The following OSBP variants were observed in gnomAD, a reference collection of about 807,000 sequenced individuals.
OSBP encodes the protein oxysterol binding protein.
OSBP carries 32 observed loss-of-function variants against 96.6 expected under a neutral mutation model. The ratio of observed to expected loss-of-function variants is 0.33; its 90% CI spans 0.25 to 0.45. OSBP has a LOEUF of 0.45. OSBP is among the 20% of genes least tolerant of loss of function. The pLI is 1.00. For synonymous variants in OSBP, 369 were observed against 389.6 expected (o/e 0.95, Z 0.62); for missense variants, 653 against 1,029.7 (o/e 0.63, Z 5.01).
intron 7 of OSBP, among the ~76,000 whole-genome samples, chr11:59,597,611 C>T (rs139155302): frequency 0.014 from 2,161 of 152,210 alleles, 55 homozygotes; most frequent in Admixed American, 0.07. Flanking sequence ...GAGATCATGG[C>T]TCACTGCAGC....
chr11:59,580,119 T>C, intron 11 of OSBP, 55 bp downstream of exon 11: 1 of 1,164,932 alleles, frequency 8.6e-7, no homozygotes, highest in Non-Finnish European at 1.3e-6. Flanking sequence ...TAAAGGAGTA[T>C]GCTTTCTAAG....
chr11:59,605,919 C>T (rs1860775426), intron 3 of OSBP, among the ~76,000 whole-genome samples: 2 of 152,122 alleles, frequency 1.3e-5, no homozygotes, highest in Non-Finnish European at 2.9e-5. Context: ...ATGCAGGTTG[C>T]CTCAAGTTAC....
intron 3 of OSBP, among the ~76,000 whole-genome samples, chr11:59,607,120 T>C (rs962291287): frequency 6.6e-6 from 1 of 152,204 alleles, no homozygotes; most frequent in Non-Finnish European, 1.5e-5. Flanking sequence ...AATTATGGAT[T>C]GGGGTGTTCC....
chr11:59,611,058 T>G (rs1045981556), intron 1 of OSBP, among the ~76,000 whole-genome samples: 3 of 150,212 alleles, frequency 2.0e-5, no homozygotes, highest in African/African-American at 7.4e-5. Flanking sequence ...TCGCTTGAAC[T>G]TGAGAGGCGG....
At chr11:59,606,437 A>G (rs1384627269) in intron 3 of OSBP, among the ~76,000 whole-genome samples, 1 of 152,108 alleles carries the variant, frequency 6.6e-6, no homozygotes, top group African/African-American at 2.4e-5. Context: ...GACACAGAAA[A>G]AAAAAAAAAA....
chr11:59,602,522 T>C (rs923465635), intron 3 of OSBP, among the ~76,000 whole-genome samples: 1 of 152,236 alleles, frequency 6.6e-6, no homozygotes, highest in Non-Finnish European at 1.5e-5. Flanking sequence ...TACTAACTAC[T>C]GGTTATGAAC....
Position 59,608,388 on chromosome 11 carries a change from T to C in OSBP, c.822+96A>G. 6.2e-6 allele frequency: 9 copies of C among 1,461,264 alleles called. No individual in the cohort carries two copies. The South Asian group carries it at 8.3e-5, about 13-fold the overall frequency. 90.5% of individuals were successfully genotyped at this position (1,461,264 alleles called of 1,614,324 possible). A position where few individuals can be genotyped will look rare whatever the true frequency, so the allele number is the denominator to read the frequency against. ...ACCAGTGAAGCAGGCCCTAATGTTC[T>C]GTGCTTTATCAATTACAATTTTTAG... On this transcript the variant is annotated intron_variant, in intron 3 of 13. Transcript: ENST00000263847.
intron 9 of OSBP, among the ~76,000 whole-genome samples, chr11:59,586,194 A>G (rs1860498466): frequency 7.0e-6 from 1 of 143,038 alleles, no homozygotes; most frequent in Non-Finnish European, 1.6e-5. Flanking sequence ...AAAAAAAAGA[A>G]AAAAAAAAGA....
At chr11:59,579,618 C>G (rs1048432621) in intron 11 of OSBP, among the ~76,000 whole-genome samples, 2 of 152,044 alleles carry the variant, frequency 1.3e-5, no homozygotes, top group African/African-American at 4.8e-5. Flanking sequence ...TCTCATTGCT[C>G]TCGACACTTT....
In OSBP at chr11:59,576,912, TC is replaced by T; in HGVS notation, c.2173del (p.Glu725LysfsTer31). On this transcript the variant is annotated frameshift_variant, in exon 13 of 14. Coordinates refer to ENST00000263847, the MANE Select transcript of OSBP (RefSeq NM_002556.3). LOFTEE classifies it high-confidence loss of function. ...SRLRPDQRLM[E>X]NGRWDEANAE... ...ATTTGCTTCATCCCAGCGTCCATTT[TC>T]CATCAGTCTCTGGTCAGGTCGTAAC... 6.2e-7 allele frequency: 1 copy of T among 1,614,216 alleles called. No individual in the cohort carries two copies. The highest frequency in any genetic ancestry group is 8.5e-7 in the Non-Finnish European group (1 of 1,180,046).
chr11:59,583,229 T>C (rs1395257303), intron 9 of OSBP, among the ~76,000 whole-genome samples: 1 of 152,028 alleles, frequency 6.6e-6, no homozygotes, highest in Non-Finnish European at 1.5e-5. Context: ...GGAAAATCAC[T>C]TGAACCCAGG....
At chr11:59,589,590 G>A (rs1197664352) in intron 9 of OSBP, among the ~76,000 whole-genome samples, 1 of 152,002 alleles carries the variant, frequency 6.6e-6, no homozygotes, top group Non-Finnish European at 1.5e-5. Flanking sequence ...AACACAGCAA[G>A]ACTTTGTCTC....
chr11:59,580,355 ATCTTACAT>A (rs1308271466), intron 10 of OSBP, 86 bp from the exon 11 acceptor site: 4 of 848,362 alleles, frequency 4.7e-6, no homozygotes, highest in Non-Finnish European at 7.9e-6. Flanking sequence ...TTACTTTTCA[ATCTTACAT>A]TCTAGTAATC....
intron 12 of OSBP, 87 bp from the exon 13 acceptor site, chr11:59,577,112 C>A: frequency 9.7e-7 from 1 of 1,029,848 alleles, no homozygotes; most frequent in East Asian, 2.4e-5. Context: ...CTGCCAAGGC[C>A]ACATCACCAA....
intron 7 of OSBP, among the ~76,000 whole-genome samples, chr11:59,597,573 G>A (rs1425979468): frequency 6.7e-6 from 1 of 150,282 alleles, no homozygotes; most frequent in African/African-American, 2.4e-5. Context: ...ACAGGGTCTT[G>A]CTCTCACCCA....
At chr11:59,612,697 T>C (rs1565122337) in intron 1 of OSBP, among the ~76,000 whole-genome samples, 1 of 152,146 alleles carries the variant, frequency 6.6e-6, no homozygotes, top group Non-Finnish European at 1.5e-5. Flanking sequence ...GGGTACAAGA[T>C]AGGTTCTTCA....
intron 9 of OSBP, among the ~76,000 whole-genome samples, chr11:59,583,948 T>G (rs1860460067): frequency 6.8e-6 from 1 of 147,512 alleles, no homozygotes; most frequent in African/African-American, 2.5e-5. Context: ...GTGTTTTTTT[T>G]TTTTTTTTTT....
In OSBP at chr11:59,578,400, A is replaced by C. The variant is rs908558947; in HGVS notation, c.1879-70T>G. 8 of 1,437,764 alleles carry C rather than the reference A, an allele frequency of 5.6e-6. No individual in the cohort carries two copies. The African/African-American group carries it at 8.5e-5, about 15-fold the overall frequency. The allele number at this position is 1,437,764 out of a possible 1,614,324, so 89.1% of individuals were successfully genotyped here. On this transcript the variant is annotated intron_variant, in intron 11 of 13. Coordinates refer to ENST00000263847, the MANE Select transcript of OSBP (RefSeq NM_002556.3). ...GAATTAGCTTACCTGACTATACTGG[A>C]AGTCCTAGGATAAATAATGGTTAGG...
rs558795299 is a variant in OSBP, at chr11:59,600,701, C to T, written c.1180-74G>A. On this transcript the variant is annotated intron_variant, in intron 6 of 13. Coordinates refer to ENST00000263847, the MANE Select transcript of OSBP (RefSeq NM_002556.3). The stretch of plus-strand genomic sequence containing the variant: ...TGGTATTTATAACCTTCCCTTCCCC[C>T]GTGCTAAAAAAAGAAAAAAAAATCA... 117 of 1,567,478 alleles carry T rather than the reference C, an allele frequency of 7.5e-5. No individual in the cohort carries two copies. The South Asian group carries it at 8.0e-4, about 11-fold the overall frequency.
Sources: gnomAD v4.1 joint callset for allele counts (sites outside exome capture counted in the v4.1 genomes callset) on GRCh38, gnomAD v4.1.1 for gene constraint, MANE v1.5 for transcripts, NCBI Gene and HGNC (gene_info 2026-07-23, HGNC 2026-07-21) for gene names.